NIBAN2: variants seen among roughly 807,000 people sequenced by gnomAD.
The protein encoded by NIBAN2 is protein Niban 2.
A neutral mutation model predicts 81.8 loss-of-function variants in NIBAN2; 36 were observed. That is an observed-to-expected ratio of 0.44 (90% CI 0.34 to 0.58). NIBAN2 has a LOEUF of 0.58. NIBAN2 is among the 20% of genes least tolerant of loss of function. The pLI is 0.02. For synonymous variants in NIBAN2, 445 were observed against 441.6 expected (o/e 1.01, Z -0.10); for missense variants, 897 against 1,014.1 (o/e 0.88, Z 1.57).
chr9:127,552,919 G>A (rs561252380), intron 1 of NIBAN2, among the ~76,000 whole-genome samples: 8 of 152,018 alleles, frequency 5.3e-5, no homozygotes, highest in East Asian at 1.9e-4. Context: ...CTCCAACTCC[G>A]GACCTCAGGT....
rs756236981 is a variant in NIBAN2 at position 127,506,821 on chromosome 9, T to C, written c.*24A>G. On this transcript the variant is annotated 3_prime_UTR_variant, in exon 14 of 14. Transcript: ENST00000373312. The stretch of plus-strand genomic sequence containing the variant: ...CCGGAAGGGAACGGCCTGTGCCATG[T>C]GCAGCAGTCAGGGACCCACTGGCCT... 3.2e-6 allele frequency: 5 copies of C among 1,572,114 alleles called. No individual in the cohort carries two copies. Among genetic ancestry groups the C allele is most frequent in the Non-Finnish European group, 4.3e-6 (5 of 1,156,126 alleles).
In NIBAN2 at chr9:127,548,285, G is replaced by A. The variant is rs146160053; in HGVS notation, c.56-16507C>T. Among the ~76,000 whole-genome samples, 22 of 152,278 alleles carry A rather than the reference G, an allele frequency of 1.4e-4. No individual in the cohort carries two copies. In the East Asian group the frequency reaches 3.9e-3, roughly 27 times the overall value. On this transcript the variant is annotated intron_variant, in intron 1 of 13. Coordinates refer to ENST00000373312, the MANE Select transcript of NIBAN2 (RefSeq NM_022833.4). ...GACTTCTGAAAGCCAACACCCAAAC[G>A]TACCGCACCCCTGAGAACCTCGACC...
Position 127,517,348 on chromosome 9 carries a change from C to T in NIBAN2, c.706-132G>A, listed in dbSNP as rs956372858. The T allele has an allele frequency of 7.2e-6, 5 of 699,120 alleles. No individual in the cohort carries two copies. The highest frequency in any genetic ancestry group is 9.8e-6 in the Non-Finnish European group (4 of 410,026). 43.3% of individuals were successfully genotyped at this position (699,120 alleles called of 1,614,324 possible). The stretch of plus-strand genomic sequence containing the variant: ...CGACTGGCCCATTGCTTCACCCTCC[C>T]TGCTGCCCTCTCTCCTGAGCTCCAT... On this transcript the variant is annotated intron_variant, in intron 6 of 13. Transcript: ENST00000373312. The surrounding 1 kb of genome is among the most constrained non-coding windows in gnomAD (Gnocchi z 4.0).
At chr9:127,523,380 C>T (rs1836997640) in intron 5 of NIBAN2, among the ~76,000 whole-genome samples, 1 of 150,934 alleles carries the variant, frequency 6.6e-6, no homozygotes, top group Non-Finnish European at 1.5e-5. Flanking sequence ...CCTAAGGTCA[C>T]GTAGCTGGAA....
intron 8 of NIBAN2, among the ~76,000 whole-genome samples, chr9:127,512,568 G>A (rs1836757492): frequency 1.3e-5 from 2 of 152,148 alleles, no homozygotes; most frequent in African/African-American, 4.8e-5. Context: ...ATTACAGCTT[G>A]AGCTGCTGTG....
At chr9:127,515,118 C>G (rs931232133) in intron 8 of NIBAN2, among the ~76,000 whole-genome samples, 2 of 152,070 alleles carry the variant, frequency 1.3e-5, no homozygotes, top group Non-Finnish European at 2.9e-5. Flanking sequence ...CCCAGTTACG[C>G]AGGAGGCTGA....
At position 127,507,968 on chromosome 9, in the gene NIBAN2, C is replaced by A. The variant is rs201427745; in HGVS notation, c.1553G>T (p.Arg518Leu). Residue 518 changes from arginine to leucine, a missense_variant, in exon 13 of 14, where the codon CGG becomes CTG. By Grantham distance (102) the Arg-to-Leu change is moderately radical (BLOSUM62 -2). Transcript: ENST00000373312. The surrounding 1 kb of genome is among the most constrained non-coding windows in gnomAD (Gnocchi z 6.8). ...GTCCTCGAAGATCAGCTCCTGGAACCGGGGCAGCTCCTGCCCGGGTGGGGC... is the reference window on the plus strand; with the variant it reads ...GTCCTCGAAGATCAGCTCCTGGAACAGGGGCAGCTCCTGCCCGGGTGGGGC... ...LAPTCKSELPRFQELIFEDFA... is the reference protein window; with the variant it reads ...LAPTCKSELPLFQELIFEDFA... 1 of 1,614,160 alleles carries A rather than the reference C, an allele frequency of 6.2e-7. No homozygotes were observed.
intron 1 of NIBAN2, among the ~76,000 whole-genome samples, chr9:127,544,254 C>T (rs757553914): frequency 3.3e-5 from 5 of 152,108 alleles, no homozygotes; most frequent in South Asian, 2.1e-4. Context: ...CTCACAGAGA[C>T]GGGTATTTCT....
chr9:127,551,836 A>G (rs1462489410), intron 1 of NIBAN2, among the ~76,000 whole-genome samples: 3 of 152,162 alleles, frequency 2.0e-5, no homozygotes, highest in Non-Finnish European at 4.4e-5. Flanking sequence ...GGTTCCCTCA[A>G]TGCCCATGCT....
chr9:127,551,361 A>G (rs1054142641), intron 1 of NIBAN2, among the ~76,000 whole-genome samples: 2 of 152,074 alleles, frequency 1.3e-5, no homozygotes, highest in Non-Finnish European at 2.9e-5. Flanking sequence ...CGTCTCTACT[A>G]AAAACACAAA....
intron 5 of NIBAN2, among the ~76,000 whole-genome samples, chr9:127,519,174 CAAA>C (rs398046914): frequency 0.045 from 1,764 of 39,010 alleles, 25 homozygotes; most frequent in African/African-American, 0.11. Context: ...GACTCTGTCT[CAAA>C]AAAAAAAAAA....
chr9:127,552,701 T>G (rs1055980249), intron 1 of NIBAN2, among the ~76,000 whole-genome samples: 62 of 145,658 alleles, frequency 4.3e-4, no homozygotes, highest in African/African-American at 1.5e-3. Flanking sequence ...TTTTTTTTTT[T>G]TTTTTGAGAC....
chr9:127,572,018 T>G (rs1407342096), upstream of NIBAN2, among the ~76,000 whole-genome samples: 1 of 152,202 alleles, frequency 6.6e-6, no homozygotes, highest in African/African-American at 2.4e-5. Flanking sequence ...ATATCAAAAT[T>G]ATACTTCAAC....
Position 127,545,851 on chromosome 9 carries a change from C to A in NIBAN2, c.56-14073G>T, listed in dbSNP as rs960819041. ...CCATCTTGACACAAACAGAAGGAAA[C>A]AAAAGCCCTCTCATCCCCTCCTGCC... On this transcript the variant is annotated intron_variant, in intron 1 of 13. Transcript: ENST00000373312. The surrounding 1 kb of genome is among the most constrained non-coding windows in gnomAD (Gnocchi z 4.7). Among the ~76,000 whole-genome samples, 1 of 152,190 alleles carries A rather than the reference C, an allele frequency of 6.6e-6. No homozygotes were observed. Among genetic ancestry groups the A allele is most frequent in the Non-Finnish European group, 1.5e-5 (1 of 68,018 alleles).
Position 127,531,753 on chromosome 9 carries a change from C to T in NIBAN2, c.81G>A (p.Glu27=), listed in dbSNP as rs1837188025. 1 of 1,614,094 alleles carries T rather than the reference C, an allele frequency of 6.2e-7. No homozygotes were observed. The highest frequency in any genetic ancestry group is 1.3e-5 in the African/African-American group (1 of 74,932). ...IAEKTGKILT[E]FLQFYEDQYG... Reference sequence around the variant, plus strand: ...ACTGGTCTTCATAGAACTGGAGGAACTCCGTCAGGATCTTCCCGGTTTTTT... The same window carrying T: ...ACTGGTCTTCATAGAACTGGAGGAATTCCGTCAGGATCTTCCCGGTTTTTT... Residue 27 remains glutamate (E), a synonymous_variant, in exon 2 of 14, where the codon GAG becomes GAA. Transcript: ENST00000373312.
intron 5 of NIBAN2, among the ~76,000 whole-genome samples, chr9:127,518,765 C>T (rs969271952): frequency 2.6e-5 from 4 of 152,210 alleles, no homozygotes; most frequent in Non-Finnish European, 4.4e-5. Flanking sequence ...CACTGCTCTG[C>T]GCCACACTTT....
intron 1 of NIBAN2, among the ~76,000 whole-genome samples, chr9:127,555,178 T>C (rs1837644787): frequency 6.6e-6 from 1 of 152,208 alleles, no homozygotes; most frequent in Non-Finnish European, 1.5e-5. Context: ...CCCCATGCTG[T>C]AATGTAACCA....
rs1262473946 is a variant in NIBAN2 at position 127,507,960 on chromosome 9, C to T, written c.1561G>A (p.Glu521Lys). 1.2e-6 allele frequency: 2 copies of T among 1,614,166 alleles called. No individual in the cohort carries two copies. Among genetic ancestry groups the T allele is most frequent in the East Asian group, 2.2e-5 (1 of 44,886 alleles). Residue 521 changes from glutamate (E) to lysine (K), a missense_variant, in exon 13 of 14, where the codon GAG (glutamate) becomes AAG (lysine). This residue lies in a region of NIBAN2 where 619 missense variants were observed against 691.0 expected (regional missense o/e 0.90). Coordinates refer to ENST00000373312, the MANE Select transcript of NIBAN2 (RefSeq NM_022833.4). This position sits in a 1 kb window ranked among gnomAD's most constrained non-coding sequence, Gnocchi z 6.8. ...TCKSELPRFQ[E>K]LIFEDFARFI... ...CTGGCAAAGTCCTCGAAGATCAGCT[C>T]CTGGAACCGGGGCAGCTCCTGCCCG...
rs201992624 is a variant in NIBAN2, at chr9:127,507,858, G to A, written c.1654+9C>T. Reference sequence around the variant, plus strand: ...CTGGCAACAGTCCCCACCCCGGGACGGCACCCACCCTGCAGGATGTCCTTC... The same window carrying A: ...CTGGCAACAGTCCCCACCCCGGGACAGCACCCACCCTGCAGGATGTCCTTC... On this transcript the variant is annotated intron_variant, in intron 13 of 13. Transcript: ENST00000373312. The surrounding 1 kb of genome is among the most constrained non-coding windows in gnomAD (Gnocchi z 6.8). 6.0e-5 allele frequency: 96 copies of A among 1,612,674 alleles called. No homozygotes were observed. Among genetic ancestry groups the A allele is most frequent in the Middle Eastern group, 5.0e-4 (3 of 6,056 alleles).
Sources: gnomAD v4.1 joint callset for allele counts (sites outside exome capture counted in the v4.1 genomes callset) on GRCh38, gnomAD v4.1.1 for gene constraint, gnomAD v4.1.1 regional missense constraint, Gnocchi (gnomAD v3.1) non-coding constraint, MANE v1.5 for transcripts, NCBI Gene and HGNC (gene_info 2026-07-23, HGNC 2026-07-21) for gene names.